The following CASKIN1 variants were observed in gnomAD, a reference collection of about 807,000 sequenced individuals.
CASKIN1 encodes the protein caskin-1.
CASKIN1 carries 42 observed loss-of-function variants against 117.5 expected under a neutral mutation model. The ratio of observed to expected loss-of-function variants is 0.36; its 90% CI spans 0.28 to 0.46. CASKIN1 has a LOEUF of 0.46. Ranked by LOEUF, CASKIN1 falls within the 20% of genes least tolerant of loss-of-function variation. The pLI is 1.00. For synonymous variants in CASKIN1, 1,148 were observed against 961.7 expected (o/e 1.19, Z -3.59); for missense variants, 2,083 against 2,077.3 (o/e 1.00, Z -0.05).
chr16:2,181,928 G>C lies in CASKIN1; in HGVS notation c.1631C>G (p.Ala544Gly). 1 of 1,613,516 alleles carries C rather than the reference G, an allele frequency of 6.2e-7. No individual in the cohort carries two copies. The highest frequency in any genetic ancestry group is 8.5e-7 in the Non-Finnish European group (1 of 1,179,914). The change falls in exon 17 of 20, where the codon GCT becomes GGT. Residue 544 changes from alanine (A) to glycine (G), a missense_variant and splice_region_variant. Ala to Gly is a moderately conservative substitution (Grantham distance 60). This residue lies in a region of CASKIN1 where 1,818 missense variants were observed against 1,688.9 expected (regional missense o/e 1.08). Transcript: ENST00000343516. Reference sequence around the variant, plus strand: ...CATGGACAGCCACACGGCCAGGTTAGCCTACAGAGCAGACACACAGAGGAG... The same window carrying C: ...CATGGACAGCCACACGGCCAGGTTACCCTACAGAGCAGACACACAGAGGAG... ...IPDWLPEHKP[A>G]NLAVWLSMIG...
chr16:2,190,962 C>T (rs2141326955), intron 1 of CASKIN1, among the ~76,000 whole-genome samples: 1 of 152,308 alleles, frequency 6.6e-6, no homozygotes, highest in South Asian at 2.1e-4. Flanking sequence ...CTGCCTGCTC[C>T]CTGGCGACTC....
chr16:2,187,083 A>G lies in CASKIN1; in HGVS notation c.836-11T>C, dbSNP rs566713783. The G allele has an allele frequency of 3.1e-6, 5 of 1,613,344 alleles. No homozygotes were observed. On this transcript the variant is annotated splice_polypyrimidine_tract_variant and intron_variant, in intron 8 of 19. Coordinates refer to ENST00000343516, the MANE Select transcript of CASKIN1 (RefSeq NM_020764.4). ...GGGCCGCTGAGGCCTCTGGGGATAC[A>G]GGAGGGGGCCCCCGAAGTCCTGCGG...
chr16:2,179,331 G>C lies in CASKIN1; in HGVS notation c.3776-6C>G. 1 of 1,287,458 alleles carries C rather than the reference G, an allele frequency of 7.8e-7. No homozygotes were observed. Among genetic ancestry groups the C allele is most frequent in the Non-Finnish European group, 9.8e-7 (1 of 1,021,854 alleles). The allele number at this position is 1,287,458 out of a possible 1,614,324, so 79.8% of individuals were successfully genotyped here. ...GCCGTGGGCGCGCTTCACCTCTGCG[G>C]GGAGGACCACGCTGGCACCGAGCGG... On this transcript the variant is annotated splice_polypyrimidine_tract_variant and splice_region_variant and intron_variant, in intron 18 of 19. Coordinates refer to ENST00000343516, the MANE Select transcript of CASKIN1 (RefSeq NM_020764.4). This position sits in a 1 kb window ranked among gnomAD's most constrained non-coding sequence, Gnocchi z 5.8.
In CASKIN1 at chr16:2,183,940, C is replaced by T; in HGVS notation, c.1418G>A (p.Ser473Asn). 6.3e-7 allele frequency: 1 copy of T among 1,592,690 alleles called. No individual in the cohort carries two copies. Among genetic ancestry groups the T allele is most frequent in the Non-Finnish European group, 8.5e-7 (1 of 1,170,472 alleles). ...GAGCCACTGGCTCACGGCCTCAGAG[C>T]TCTGGAAGACACAAGGCACCCACTG... ...KKLEPASEGKSSEAVSQWLTA... is the reference protein window; with the variant it reads ...KKLEPASEGKNSEAVSQWLTA... Residue 473 changes from serine (S) to asparagine (N), a missense_variant and splice_region_variant, in exon 15 of 20, where the codon AGC becomes AAC. Ser to Asn is a conservative substitution (Grantham distance 46). Transcript: ENST00000343516.
In CASKIN1 at chr16:2,179,681, C is replaced by A; in HGVS notation, c.3687G>T (p.Lys1229Asn). ...RKPAKPPVSP[K>N]PVLTQPVPKL... ...TGGGCACAGGCTGCGTCAGGACGGG[C>A]TTGGGAGAGACAGGCGGCTTGGCCG... The change falls in exon 18 of 20, where the codon AAG becomes AAT. Residue 1229 changes from lysine (K) to asparagine (N), a missense_variant. By Grantham distance (94) the Lys-to-Asn change is moderately conservative. Transcript: ENST00000343516. This position sits in a 1 kb window ranked among gnomAD's most constrained non-coding sequence, Gnocchi z 5.8. 1 of 1,526,882 alleles carries A rather than the reference C, an allele frequency of 6.5e-7. No individual in the cohort carries two copies. 94.6% of individuals were successfully genotyped at this position (1,526,882 alleles called of 1,614,324 possible). A position where few individuals can be genotyped will look rare whatever the true frequency, so the allele number is the denominator to read the frequency against.
intron 1 of CASKIN1, among the ~76,000 whole-genome samples, chr16:2,193,421 G>A (rs1237144877): frequency 6.6e-6 from 1 of 152,210 alleles, no homozygotes; most frequent in Non-Finnish European, 1.5e-5. Context: ...TAGCTAAAGG[G>A]AGCGCAGGTG....
Position 2,187,293 on chromosome 16 carries a change from A to G in CASKIN1, c.727-19T>C. The G allele has an allele frequency of 6.2e-7, 1 of 1,613,796 alleles. No individual in the cohort carries two copies. The highest frequency in any genetic ancestry group is 1.1e-5 in the South Asian group (1 of 91,086). On this transcript the variant is annotated intron_variant, in intron 7 of 19. Transcript: ENST00000343516. Reference sequence around the variant, plus strand: ...TCCCGCTCTGCACATGTGAGAGATGAGGCTCTGTCAGGAGCCCCTACAGTC... The same window carrying G: ...TCCCGCTCTGCACATGTGAGAGATGGGGCTCTGTCAGGAGCCCCTACAGTC...
rs1438657382 is a variant in CASKIN1 at position 2,180,135 on chromosome 16, C to T, written c.3233G>A (p.Arg1078His). 3.2e-6 allele frequency: 5 copies of T among 1,554,238 alleles called. 1 individual carries two copies. Among genetic ancestry groups the T allele is most frequent in the South Asian group, 2.4e-5 (2 of 84,898 alleles). ...GTCTGCCGACTCCCCAGGCCCCCGGCGGGCAGTGGCCAGAAGTCCGGTGAC... is the reference window on the plus strand; with the variant it reads ...GTCTGCCGACTCCCCAGGCCCCCGGTGGGCAGTGGCCAGAAGTCCGGTGAC... ...GPVTGLLATA[R>H]RGPGESADPG... is the part of the protein sequence containing the mutation. The change falls in exon 18 of 20, where the codon CGC (arginine) becomes CAC (histidine). Residue 1078 changes from arginine (R) to histidine (H), a missense_variant. Arg to His is a conservative substitution (Grantham distance 29). Transcript: ENST00000343516.
chr16:2,195,291 C>T (rs2093212404), intron 1 of CASKIN1, among the ~76,000 whole-genome samples: 1 of 152,152 alleles, frequency 6.6e-6, no homozygotes, highest in African/African-American at 2.4e-5. Flanking sequence ...CCAACAATCT[C>T]CCAGAAGCCA....
chr16:2,190,491 T>TCGTCCACTCGTGCACTCACG (rs2093198665), intron 1 of CASKIN1, 133 bp from the exon 2 acceptor site: 1 of 778,882 alleles, frequency 1.3e-6, no homozygotes, highest in African/African-American at 1.7e-5. Flanking sequence ...AGACACTCAC[T>TCGTCCACTCGTGCACTCACG]CGTCCACTCG....
At position 2,184,527 on chromosome 16, in the gene CASKIN1, TCA is replaced by T. The variant is rs201752623; in HGVS notation, c.1416+248_1416+249del. On this transcript the variant is annotated intron_variant, in intron 14 of 19. Transcript: ENST00000343516. ...GCGTGCCCAGCTCGCAGTCCCACCA[TCA>T]CACACACACACGCACACACAGAGGC... Among the ~76,000 whole-genome samples the T allele has an allele frequency of 6.1e-3, 927 of 151,812 alleles. 10 individuals are homozygous for T. Among genetic ancestry groups the T allele is most frequent in the African/African-American group, 0.021 (869 of 41,398 alleles).
At chr16:2,185,276 G>A (rs775919969) in intron 11 of CASKIN1, 31 bp downstream of exon 11, 1 of 1,595,730 alleles carries the variant, frequency 6.3e-7, no homozygotes, top group Non-Finnish European at 8.6e-7. Flanking sequence ...TGGAAGTCCT[G>A]CCACCTCTGC....
intron 1 of CASKIN1, among the ~76,000 whole-genome samples, chr16:2,194,293 G>A (rs2093209486): frequency 6.6e-6 from 1 of 152,156 alleles, no homozygotes; most frequent in African/African-American, 2.4e-5. Flanking sequence ...TGGCCAGCAG[G>A]AGGCCAGCCC....
At chr16:2,187,503 G>A in intron 6 of CASKIN1, 42 bp from the exon 7 acceptor site, 1 of 1,540,256 alleles carries the variant, frequency 6.5e-7, no homozygotes, top group African/African-American at 1.4e-5. Context: ...CTTCCAGCAG[G>A]AGGCCGGCCC....
chr16:2,186,511 G>A (rs186968533), intron 10 of CASKIN1, among the ~76,000 whole-genome samples, 196 bp downstream of exon 10: 1 of 152,326 alleles, frequency 6.6e-6, no homozygotes, highest in East Asian at 1.9e-4. Context: ...ACAGTGCTTG[G>A]TAGAACGCAT....
chr16:2,181,024 T>C lies in CASKIN1; in HGVS notation c.2344A>G (p.Lys782Glu), dbSNP rs183093419. The C allele has an allele frequency of 5.0e-3, 7,401 of 1,485,768 alleles. 30 individuals carry two copies. Among genetic ancestry groups the C allele is most frequent in the South Asian group, 9.8e-3 (703 of 71,746 alleles). The allele number at this position is 1,485,768 out of a possible 1,614,324, so 92.0% of individuals were successfully genotyped here. Residue 782 changes from lysine (K) to glutamate (E), a missense_variant, in exon 18 of 20, where the codon AAA (lysine) becomes GAA (glutamate). This residue lies in a region of CASKIN1 where 1,818 missense variants were observed against 1,688.9 expected (regional missense o/e 1.08). Transcript: ENST00000343516. ...GCCTGGGGAGAGCCTGGTCGGGTTT[T>C]GGTGGGCGTCTGGGGGGGCGTGAAG... ...SHFTPPQTPT[K>E]TRPGSPQALG...
intron 10 of CASKIN1, 96 bp downstream of exon 10, chr16:2,186,611 A>G: frequency 9.1e-7 from 1 of 1,097,034 alleles, no homozygotes; most frequent in South Asian, 1.4e-5. Flanking sequence ...CCAGAAACCC[A>G]GCCCTGCTGG....
In CASKIN1 at chr16:2,179,758, C is replaced by A; in HGVS notation, c.3610G>T (p.Asp1204Tyr). 1 of 1,346,630 alleles carries A rather than the reference C, an allele frequency of 7.4e-7. No individual in the cohort carries two copies. The allele number at this position is 1,346,630 out of a possible 1,614,324, so 83.4% of individuals were successfully genotyped here. A position where few individuals can be genotyped will look rare whatever the true frequency, so the allele number is the denominator to read the frequency against. ...PPPPAEPPPTDLAHLPPLPPP... is the reference protein window; with the variant it reads ...PPPPAEPPPTYLAHLPPLPPP... ...GGCAATGGGGGTAGGTGCGCCAGGT[C>A]GGTGGGCGGGGGTTCGGCAGGCGGG... Residue 1204 changes from aspartate to tyrosine, a missense_variant, in exon 18 of 20, where the codon GAC (aspartate) becomes TAC (tyrosine). Transcript: ENST00000343516. This position sits in a 1 kb window ranked among gnomAD's most constrained non-coding sequence, Gnocchi z 5.8.
chr16:2,184,079 G>A (rs900920212), intron 14 of CASKIN1, 138 bp from the exon 15 acceptor site: 106 of 607,180 alleles, frequency 1.7e-4, no homozygotes, highest in Non-Finnish European at 2.7e-4. Context: ...AGCAGGCCCC[G>A]GTGAGCCTGG....
Sources: gnomAD v4.1 joint callset for allele counts (sites outside exome capture counted in the v4.1 genomes callset) on GRCh38, gnomAD v4.1.1 for gene constraint, gnomAD v4.1.1 regional missense constraint, Gnocchi (gnomAD v3.1) non-coding constraint, MANE v1.5 for transcripts, NCBI Gene and HGNC (gene_info 2026-07-23, HGNC 2026-07-21) for gene names.